GLP2R: variants seen among roughly 807,000 people sequenced by gnomAD.
The protein encoded by GLP2R is glucagon-like peptide 2 receptor.
GLP2R carries 59 observed loss-of-function variants against 68.2 expected under a neutral mutation model. That is an observed-to-expected ratio of 0.87 (90% CI 0.70 to 1.07). GLP2R has a LOEUF of 1.07. Ranked by LOEUF, GLP2R falls within the 50% of genes least tolerant of loss-of-function variation. The pLI, the probability that GLP2R is intolerant of heterozygous loss-of-function variation, is 0.00. For missense variants in GLP2R, 548 were observed against 677.4 expected (o/e 0.81, Z 2.12); for synonymous variants, 270 against 265.4 (o/e 1.02, Z -0.17).
chr17:9,865,744 G>A, intron 9 of GLP2R: 1 of 458,676 alleles, frequency 2.2e-6, no homozygotes, highest in South Asian at 1.6e-5. Flanking sequence ...ATTAAAATAA[G>A]TCAACAGGCA....
chr17:9,843,289 C>A (rs2066805763), intron 4 of GLP2R, among the ~76,000 whole-genome samples: 1 of 152,204 alleles, frequency 6.6e-6, no homozygotes, highest in Non-Finnish European at 1.5e-5. Context: ...CTGTGGCATG[C>A]TCAGAGGAAC....
intron 2 of GLP2R, chr17:9,834,568 A>G (rs1011300680): frequency 6.5e-6 from 1 of 152,678 alleles, no homozygotes; most frequent in Non-Finnish European, 1.5e-5. Flanking sequence ...CACGTGCACC[A>G]TGCCCACCTC....
intron 11 of GLP2R, among the ~76,000 whole-genome samples, chr17:9,880,969 A>G (rs2067189650): frequency 6.6e-6 from 1 of 152,190 alleles, no homozygotes; most frequent in Admixed American, 6.5e-5. Context: ...GGGAGTTGAA[A>G]CTAGGAACAA....
chr17:9,870,058 A>T (rs1007820401), intron 9 of GLP2R, among the ~76,000 whole-genome samples: 6 of 152,186 alleles, frequency 3.9e-5, no homozygotes, highest in Non-Finnish European at 8.8e-5. Flanking sequence ...CAGCAACAGG[A>T]TCTCAAGTTA....
chr17:9,851,221 T>C (rs1223775155), intron 4 of GLP2R, among the ~76,000 whole-genome samples: 1 of 152,076 alleles, frequency 6.6e-6, no homozygotes, highest in Non-Finnish European at 1.5e-5. Context: ...ATAAAATAAA[T>C]CATGCTATTC....
chr17:9,850,718 ATC>A (rs1297164756), intron 4 of GLP2R, among the ~76,000 whole-genome samples: 1 of 89,274 alleles, frequency 1.1e-5, no homozygotes, highest in Non-Finnish European at 1.8e-5. Context: ...TTGAGCCGGG[ATC>A]TCTCTCTCTC....
intron 1 of GLP2R, among the ~76,000 whole-genome samples, chr17:9,827,960 C>CAA (rs368157136): frequency 0.22 from 16,509 of 73,524 alleles, 1,875 homozygotes; most frequent in East Asian, 0.36. Context: ...GGATCTGTCT[C>CAA]AAAAAAAAAA....
chr17:9,876,679 C>T (rs949670522), intron 10 of GLP2R, among the ~76,000 whole-genome samples: 11 of 152,180 alleles, frequency 7.2e-5, no homozygotes, highest in Non-Finnish European at 5.9e-5. Flanking sequence ...AGAGACCTTC[C>T]TGCTTCTGTG....
At chr17:9,879,276 TAAAATAAAATAAAATAAATAAAATA>T (rs1197333820) in intron 10 of GLP2R, among the ~76,000 whole-genome samples, 42 of 21,118 alleles carry the variant, frequency 2.0e-3, no homozygotes, top group Admixed American at 0.016. Flanking sequence ...TAAAATAAAA[TAAAATAAAATAAAATAAATAAAATA>T]AAATAAAATA....
chr17:9,859,654 C>T (rs372680391), intron 6 of GLP2R, among the ~76,000 whole-genome samples: 1 of 118,102 alleles, frequency 8.5e-6, no homozygotes, highest in African/African-American at 3.2e-5. Flanking sequence ...TATATATATA[C>T]ATACATATAC....
intron 10 of GLP2R, 82 bp downstream of exon 10, chr17:9,870,917 C>T: frequency 4.0e-6 from 3 of 749,090 alleles, no homozygotes; most frequent in South Asian, 3.0e-5. Context: ...TTGGGAAGGA[C>T]ATTTATCTCC....
At chr17:9,860,540 G>C (rs1364840808) in intron 7 of GLP2R, among the ~76,000 whole-genome samples, 1 of 152,144 alleles carries the variant, frequency 6.6e-6, no homozygotes, top group Non-Finnish European at 1.5e-5. Flanking sequence ...TTCTCACATG[G>C]TGAGGAGAGT....
chr17:9,879,545 A>G (rs2152047780), intron 10 of GLP2R, among the ~76,000 whole-genome samples: 1 of 152,144 alleles, frequency 6.6e-6, no homozygotes, highest in African/African-American at 2.4e-5. Context: ...GTGTGGATTC[A>G]GGGAGTTGAT....
chr17:9,842,756 C>G (rs115002478), intron 4 of GLP2R, 140 bp downstream of exon 4: 1 of 839,786 alleles, frequency 1.2e-6, no homozygotes, highest in Admixed American at 2.7e-5. Flanking sequence ...AGGAAGGTCC[C>G]GCAAAGCAGC....
chr17:9,854,632 G>A, intron 5 of GLP2R, 31 bp downstream of exon 5: 1 of 1,261,010 alleles, frequency 7.9e-7, no homozygotes, highest in East Asian at 2.3e-5. Context: ...CATGTGTTCG[G>A]GCAGGTATAG....
At chr17:9,885,980 C>G (rs1467832301) in intron 11 of GLP2R, among the ~76,000 whole-genome samples, 1 of 152,150 alleles carries the variant, frequency 6.6e-6, no homozygotes, top group Non-Finnish European at 1.5e-5. Context: ...TGTACCAGGA[C>G]TGAGCCAGAA....
intron 9 of GLP2R, among the ~76,000 whole-genome samples, chr17:9,868,521 G>C (rs1350380694): frequency 2.6e-5 from 4 of 152,164 alleles, no homozygotes. Context: ...AATCCTGGAG[G>C]AGTTGGCTGG....
chr17:9,870,861 G>A (rs1166963470), intron 10 of GLP2R, 26 bp downstream of exon 10: 6 of 1,058,032 alleles, frequency 5.7e-6, no homozygotes, highest in African/African-American at 1.6e-5. Context: ...TTGGTCCCCA[G>A]CAGTCCAAGG....
chr17:9,886,239 G>A lies in GLP2R; in HGVS notation c.1285-1693G>A, dbSNP rs1014567913. 2.6e-5 allele frequency among the ~76,000 whole-genome samples: 4 copies of A among 152,318 alleles called. No individual in the cohort carries two copies. The East Asian group carries it at 7.7e-4, about 29-fold the overall frequency. ...CTTCCAAGAGCCTACTGCTTAGAGA[G>A]TTCCACCAGCCTCCTGCTATCAGTG... On this transcript the variant is annotated intron_variant, in intron 11 of 12. Coordinates refer to ENST00000262441, the MANE Select transcript of GLP2R (RefSeq NM_004246.3).
Sources: allele counts gnomAD v4.1 joint callset (sites outside exome capture counted in the v4.1 genomes callset), GRCh38; gene constraint gnomAD v4.1.1; transcripts MANE v1.5; gene names NCBI Gene and HGNC (gene_info 2026-07-23, HGNC 2026-07-21).